The following GOLGA8B variants were observed in gnomAD, a reference collection of about 807,000 sequenced individuals.
GOLGA8B encodes golgin subfamily A member 8B.
GOLGA8B carries 1 observed loss-of-function variant against 15.6 expected under a neutral mutation model. The ratio of observed to expected loss-of-function variants is 0.06; its 90% confidence interval spans 0.02 to 0.30. GOLGA8B has a LOEUF of 0.30. GOLGA8B is among the 10% of genes least tolerant of loss of function. GOLGA8B has a pLI of 1.00. For synonymous variants in GOLGA8B, 9 were observed against 80.3 expected (o/e 0.11, Z 4.75); for missense variants, 17 against 201.3 (o/e 0.08, Z 5.54).
intron 1 of GOLGA8B, among the ~76,000 whole-genome samples, chr15:34,576,228 A>T (rs75626499): frequency 6.8e-6 from 1 of 146,788 alleles, no homozygotes; most frequent in Non-Finnish European, 1.5e-5. Flanking sequence ...CAGCTCCCCA[A>T]ATGAAGTCAA....
chr15:34,580,670 C>T (rs1889203403), intron 1 of GOLGA8B, among the ~76,000 whole-genome samples: 1 of 151,878 alleles, frequency 6.6e-6, no homozygotes, highest in South Asian at 2.1e-4. Flanking sequence ...CCAACCCAGG[C>T]GGTGGGCAGC....
chr15:34,581,716 C>T (rs1318123641), intron 1 of GOLGA8B, among the ~76,000 whole-genome samples: 1 of 152,140 alleles, frequency 6.6e-6, no homozygotes, highest in Non-Finnish European at 1.5e-5. Flanking sequence ...AGCTTTACCT[C>T]CTTCCAGCAC....
intron 1 of GOLGA8B, chr15:34,582,610 A>G (rs929598952): frequency 1.8e-4 from 28 of 152,224 alleles, no homozygotes; most frequent in Non-Finnish European, 2.9e-5. Flanking sequence ...TTCTGCCAAT[A>G]AATACTAAGA....
intron 1 of GOLGA8B, among the ~76,000 whole-genome samples, chr15:34,573,409 CGCCTGTAGTCCCA>C (rs1888976012): frequency 6.6e-6 from 1 of 151,138 alleles, no homozygotes; most frequent in Non-Finnish European, 1.5e-5. Flanking sequence ...GGGTGGCGGG[CGCCTGTAGTCCCA>C]GCTACTCGGG....
At chr15:34,545,292 A>C (rs1888282360) in intron 6 of GOLGA8B, 86 bp downstream of exon 6, 1 of 114,398 alleles carries the variant, frequency 8.7e-6, no homozygotes, top group Non-Finnish European at 1.7e-5. Context: ...AAATTTCTTG[A>C]AGAGAACCTT....
intron 1 of GOLGA8B, among the ~76,000 whole-genome samples, chr15:34,578,021 A>G (rs769579525): frequency 1.3e-5 from 2 of 152,244 alleles, no homozygotes; most frequent in Admixed American, 6.5e-5. Context: ...ATACGCTATC[A>G]CTCACAAAAA....
At position 34,583,609 on chromosome 15, in the gene GOLGA8B, C is replaced by G. The variant is rs1327747882; in HGVS notation, c.-1216G>C. On this transcript the variant is annotated 5_prime_UTR_variant, in exon 1 of 24. Coordinates refer to ENST00000683415, the MANE Select transcript of GOLGA8B (RefSeq NM_001023567.5). ...AGGCTGAGCTCCTTGAGAGCCCGCA[C>G]GTAGCGGCACACCGCGACTGCTAAT... 2 of 152,276 alleles carry G rather than the reference C, an allele frequency of 1.3e-5. No individual in the cohort carries two copies. The highest frequency in any genetic ancestry group is 1.9e-4 in the East Asian group (1 of 5,174). The allele number at this position is 152,276 out of a possible 1,614,324, so 9.4% of individuals were successfully genotyped here.
At chr15:34,573,542 A>C (rs1466941382) in intron 1 of GOLGA8B, among the ~76,000 whole-genome samples, 1 of 64,050 alleles carries the variant, frequency 1.6e-5, no homozygotes, top group African/African-American at 4.7e-5. Flanking sequence ...GTCTCAAAAA[A>C]AAAAAAAAAA....
rs1417265845 is a variant in GOLGA8B at position 34,527,379 on chromosome 15, T to C, written c.*253A>G. The C allele has an allele frequency of 4.0e-5, 19 of 473,494 alleles. 1 individual carries two copies. Among genetic ancestry groups the C allele is most frequent in the South Asian group, 3.1e-4 (13 of 42,382 alleles). 29.3% of individuals were successfully genotyped at this position (473,494 alleles called of 1,614,324 possible). On this transcript the variant is annotated 3_prime_UTR_variant, in exon 24 of 24. Coordinates refer to ENST00000683415, the MANE Select transcript of GOLGA8B (RefSeq NM_001023567.5). ...CACGTAAGGGCAAACTCGATATGCA[T>C]GCTAATGACCTACAATTATGAAATG... is the stretch of plus-strand genomic sequence containing the variant.
At chr15:34,567,632 G>C (rs1030282013) in intron 1 of GOLGA8B, among the ~76,000 whole-genome samples, 1 of 151,750 alleles carries the variant, frequency 6.6e-6, no homozygotes, top group African/African-American at 2.4e-5. Context: ...CTGTATAAAA[G>C]ACTGACTGTG....
chr15:34,573,055 G>A (rs1251651339), intron 1 of GOLGA8B, among the ~76,000 whole-genome samples: 6 of 152,160 alleles, frequency 3.9e-5, no homozygotes, highest in Non-Finnish European at 7.4e-5. Flanking sequence ...TTCAAGTCCA[G>A]CCTAGAGACA....
chr15:34,571,470 G>A (rs1426715222), intron 1 of GOLGA8B, among the ~76,000 whole-genome samples: 1 of 151,766 alleles, frequency 6.6e-6, no homozygotes, highest in African/African-American at 2.4e-5. Context: ...GGTAGATAGT[G>A]GCACAACAAT....
chr15:34,567,193 C>T (rs1307720571), intron 1 of GOLGA8B, among the ~76,000 whole-genome samples: 3 of 141,688 alleles, frequency 2.1e-5, no homozygotes, highest in Non-Finnish European at 3.1e-5. Context: ...ATGACCATCC[C>T]GCCGGGGGCA....
At chr15:34,567,590 C>T (rs76461569) in intron 1 of GOLGA8B, among the ~76,000 whole-genome samples, 11,355 of 149,618 alleles carry the variant, frequency 0.076, 1 homozygote, top group South Asian at 0.19. Flanking sequence ...ATTAGGAACA[C>T]TGTCATTGCA....
chr15:34,577,427 G>A (rs1355787954), intron 1 of GOLGA8B, among the ~76,000 whole-genome samples: 1 of 150,324 alleles, frequency 6.7e-6, no homozygotes, highest in Non-Finnish European at 1.5e-5. Context: ...CAGTTCAGAG[G>A]AATCCATATT....
intron 1 of GOLGA8B, among the ~76,000 whole-genome samples, chr15:34,573,672 T>C (rs1466513202): frequency 1.3e-5 from 2 of 152,104 alleles, no homozygotes; most frequent in Non-Finnish European, 1.5e-5. Context: ...TGTAGATGGT[T>C]CCATTTTAAC....
intron 1 of GOLGA8B, among the ~76,000 whole-genome samples, chr15:34,569,035 G>A (rs1387869174): frequency 6.7e-6 from 1 of 149,346 alleles, no homozygotes; most frequent in Non-Finnish European, 1.5e-5. Context: ...TGTCCACAGT[G>A]CTCTTCCTGC....
intron 1 of GOLGA8B, among the ~76,000 whole-genome samples, chr15:34,572,362 GAGACTCCACCTGTC>G (rs975702819): frequency 6.6e-6 from 1 of 152,156 alleles, no homozygotes; most frequent in Non-Finnish European, 1.5e-5. Context: ...TTTAATGTAC[GAGACTCCACCTGTC>G]AGCATTCTCC....
Position 34,532,335 on chromosome 15 carries a change from GC to G in GOLGA8B, c.286-337del, listed in dbSNP as rs1212402521. ...ATAGACATTTACTGAGCACGTACGG[GC>G]CAGGGACGGTTCTTCACAGCCGATA... On this transcript the variant is annotated intron_variant, in intron 11 of 23. Coordinates refer to ENST00000683415, the MANE Select transcript of GOLGA8B (RefSeq NM_001023567.5). 3.3e-5 allele frequency among the ~76,000 whole-genome samples: 2 copies of G among 60,024 alleles called. 1 individual carries two copies. Among genetic ancestry groups the G allele is most frequent in the African/African-American group, 6.1e-5 (2 of 32,724 alleles). The allele number at this position is 60,024 out of a possible 152,430, so 39.4% of individuals were successfully genotyped here.
Sources: allele counts gnomAD v4.1 joint callset (sites outside exome capture counted in the v4.1 genomes callset), GRCh38; gene constraint gnomAD v4.1.1; transcripts MANE v1.5; gene names NCBI Gene and HGNC (gene_info 2026-07-23, HGNC 2026-07-21).